Variants in ALDH3B1 observed in about 807,000 individuals in gnomAD.
ALDH3B1 encodes the protein aldehyde dehydrogenase 3 family member B1.
In ALDH3B1, 37 loss-of-function variants were observed where a neutral mutation model predicts 46.2. The ratio of observed to expected loss-of-function variants is 0.80; its 90% CI spans 0.62 to 1.05. The LOEUF (loss-of-function observed/expected upper bound fraction) is 1.05. Ranked by LOEUF, ALDH3B1 falls within the 50% of genes least tolerant of loss-of-function variation. The probability of loss-of-function intolerance (pLI) is 0.00; values close to 1 mark genes in which losing one functional copy is unlikely to be tolerated. For synonymous variants in ALDH3B1, 283 were observed against 281.0 expected (o/e 1.01, Z -0.07); for missense variants, 603 against 665.5 (o/e 0.91, Z 1.03).
At chr11:68,015,120 A>G in intron 1 of ALDH3B1, 177 bp from the exon 2 acceptor site, 1 of 606,894 alleles carries the variant, frequency 1.6e-6, no homozygotes, top group Non-Finnish European at 2.7e-6. Flanking sequence ...GGTTGCAGGC[A>G]GCCTCAGTCC....
At chr11:68,009,548 G>T (rs1857189882), upstream of ALDH3B1, among the ~76,000 whole-genome samples, 1 of 152,348 alleles carries the variant, frequency 6.6e-6, no homozygotes, top group South Asian at 2.1e-4. Flanking sequence ...CAACTTTAAG[G>T]GGTCCACGTG....
chr11:68,010,148 C>T (rs947401674), upstream of ALDH3B1, among the ~76,000 whole-genome samples: 171 of 152,242 alleles, frequency 1.1e-3, no homozygotes, highest in African/African-American at 3.9e-3. Flanking sequence ...TCTAGCCTGG[C>T]GCCCTCTGGG....
chr11:68,021,991 G>A (rs1186872590), intron 7 of ALDH3B1, 120 bp downstream of exon 7: 68 of 1,474,938 alleles, frequency 4.6e-5, no homozygotes, highest in South Asian at 1.1e-4. Context: ...GCCAGAGCCC[G>A]GCCTTGAGCC....
upstream of ALDH3B1, among the ~76,000 whole-genome samples, chr11:68,009,612 C>T (rs2010404): frequency 4.6e-5 from 7 of 152,106 alleles, no homozygotes; most frequent in Non-Finnish European, 1.0e-4. Context: ...GGGCTGCATG[C>T]GTCAGCTAAC....
chr11:68,018,972 T>C, intron 4 of ALDH3B1, 79 bp downstream of exon 4: 9 of 1,502,220 alleles, frequency 6.0e-6, no homozygotes, highest in South Asian at 5.1e-5. Context: ...CAGGAGGACA[T>C]GGGAGAACTG....
chr11:68,018,874 C>A lies in ALDH3B1; in HGVS notation c.375C>A (p.Leu125=), dbSNP rs979854661. Residue 125 remains leucine, a synonymous_variant, in exon 4 of 10, where the codon CTC becomes CTA. Transcript: ENST00000342456. ...CGCTGAACCTGACGCTGGTGCCCCTCGTGGGAGCCCTCGCTGCAGGTGAGA... is the reference window on the plus strand; with the variant it reads ...CGCTGAACCTGACGCTGGTGCCCCTAGTGGGAGCCCTCGCTGCAGGTGAGA... ...NYPLNLTLVP[L]VGALAAGNCV... 1.3e-6 allele frequency: 2 copies of A among 1,558,690 alleles called. No homozygotes were observed. Among genetic ancestry groups the A allele is most frequent in the Non-Finnish European group, 1.7e-6 (2 of 1,151,576 alleles).
intron 8 of ALDH3B1, among the ~76,000 whole-genome samples, chr11:68,023,159 A>G (rs1049402218): frequency 3.3e-5 from 5 of 151,978 alleles, no homozygotes; most frequent in African/African-American, 9.7e-5. Flanking sequence ...CTGATCCCCT[A>G]CCCCTGCTTA....
rs1857533442 is a variant in ALDH3B1, at chr11:68,022,709, T to C, written c.1064T>C (p.Ile355Thr). 1 of 1,614,154 alleles carries C rather than the reference T, an allele frequency of 6.2e-7. No homozygotes were observed. The highest frequency in any genetic ancestry group is 8.5e-7 in the Non-Finnish European group (1 of 1,180,026). Residue 355 changes from isoleucine (I) to threonine (T), a missense_variant, in exon 8 of 10, where the codon ATC (isoleucine) becomes ACC (threonine). By Grantham distance (89) the Ile-to-Thr change is moderately conservative. Coordinates refer to ENST00000342456, the MANE Select transcript of ALDH3B1 (RefSeq NM_000694.4). The stretch of plus-strand genomic sequence containing the variant: ...AGCTTGGACGAGGCCATCGAGTTCA[T>C]CAACCGGCGGGAGAAGCCCCTGGCC... The part of the protein sequence containing the change: ...VQSLDEAIEF[I>T]NRREKPLALY...
intron 9 of ALDH3B1, among the ~76,000 whole-genome samples, chr11:68,027,495 C>T (rs918051728): frequency 1.3e-5 from 2 of 152,204 alleles, no homozygotes; most frequent in Non-Finnish European, 2.9e-5. Flanking sequence ...GTTTAACCCC[C>T]GGCAGTCTGA....
At chr11:68,011,447 G>A (rs183139962) in intron 1 of ALDH3B1, among the ~76,000 whole-genome samples, 9 of 152,288 alleles carry the variant, frequency 5.9e-5, no homozygotes, top group Non-Finnish European at 8.8e-5. Context: ...TTAAAGCTTC[G>A]GTTTGATGAT....
chr11:68,019,858 T>C, intron 6 of ALDH3B1, 62 bp downstream of exon 6: 1 of 1,539,458 alleles, frequency 6.5e-7, no homozygotes, highest in East Asian at 2.3e-5. Context: ...TCAGGGGTCC[T>C]GTCCCTAACT....
rs1452093118 is a variant in ALDH3B1 at position 68,028,886 on chromosome 11, C to T, written c.*947C>T. ...TTCCCTCCAGCCCATGCCAGAGGAG[C>T]TTGTAACTCTTTATCCTCATGGTGC... is the stretch of plus-strand genomic sequence containing the variant. On this transcript the variant is annotated 3_prime_UTR_variant, in exon 10 of 10. Coordinates refer to ENST00000342456, the MANE Select transcript of ALDH3B1 (RefSeq NM_000694.4). 1 of 152,224 alleles carries T rather than the reference C, an allele frequency of 6.6e-6. No homozygotes were observed. 9.4% of individuals were successfully genotyped at this position (152,224 alleles called of 1,614,324 possible).
intron 1 of ALDH3B1, among the ~76,000 whole-genome samples, chr11:68,012,287 C>A (rs540677669): frequency 1.4e-4 from 22 of 152,342 alleles, no homozygotes; most frequent in African/African-American, 4.8e-4. Context: ...AGCCTGTGGG[C>A]ACCCACAGCG....
chr11:68,019,307 T>C, intron 5 of ALDH3B1, 52 bp downstream of exon 5: 2 of 1,536,442 alleles, frequency 1.3e-6, no homozygotes, highest in South Asian at 1.2e-5. Context: ...GCTCAAGGGC[T>C]GGGCAGCCCC....
At chr11:68,016,005 G>T (rs1231248689) in intron 2 of ALDH3B1, 1 of 246,318 alleles carries the variant, frequency 4.1e-6, no homozygotes, top group East Asian at 1.2e-4. Flanking sequence ...GGTGGAGGTT[G>T]CAGTGAGCCA....
At chr11:68,011,618 C>G (rs930742008) in intron 1 of ALDH3B1, among the ~76,000 whole-genome samples, 6 of 152,188 alleles carry the variant, frequency 3.9e-5, no homozygotes, top group Non-Finnish European at 7.3e-5. Context: ...GCCTGTGGGT[C>G]CCCTGAAGTT....
chr11:68,015,918 T>C, intron 2 of ALDH3B1: 2 of 292,310 alleles, frequency 6.8e-6, no homozygotes, highest in Non-Finnish European at 1.4e-5. Context: ...ATACAAAAAT[T>C]AGCTGGATGT....
chr11:68,013,224 C>A (rs1292251450), intron 1 of ALDH3B1, among the ~76,000 whole-genome samples: 1 of 152,152 alleles, frequency 6.6e-6, no homozygotes, highest in Non-Finnish European at 1.5e-5. Context: ...GAGTGAGTGA[C>A]CCGTAGGGGC....
rs1303001368 is a variant in ALDH3B1, at chr11:68,028,606, G to A, written c.*667G>A. ...GCAGGAGAATCGCTTGAACCCGGGA[G>A]GTGGAGGTTGCCGTGAGCTGAGATT... is the stretch of plus-strand genomic sequence containing the variant. On this transcript the variant is annotated 3_prime_UTR_variant, in exon 10 of 10. Transcript: ENST00000342456. The A allele has an allele frequency of 6.5e-6, 1 of 153,956 alleles. No individual in the cohort carries two copies. Among genetic ancestry groups the A allele is most frequent in the Admixed American group, 6.4e-5 (1 of 15,610 alleles). 9.5% of individuals were successfully genotyped at this position (153,956 alleles called of 1,614,324 possible).
Sources: allele counts gnomAD v4.1 joint callset (sites outside exome capture counted in the v4.1 genomes callset), GRCh38; gene constraint gnomAD v4.1.1; transcripts MANE v1.5; gene names NCBI Gene and HGNC (gene_info 2026-07-23, HGNC 2026-07-21).